The following AMOTL1 variants were observed in gnomAD, a reference collection of about 807,000 sequenced individuals.
AMOTL1 encodes angiomotin like 1, also known as angiomotin-like protein 1.
A neutral mutation model predicts 102.9 loss-of-function variants in AMOTL1; 45 were observed. The ratio of observed to expected loss-of-function variants is 0.44; its 90% CI spans 0.34 to 0.56. AMOTL1 has a LOEUF of 0.56. Ranked by LOEUF, AMOTL1 falls within the 20% of genes least tolerant of loss-of-function variation. The pLI is 0.01. For synonymous variants in AMOTL1, 481 were observed against 484.7 expected, an observed-to-expected ratio of 0.99 and a Z score of 0.10; for missense variants, 1,114 against 1,225.6, an observed-to-expected ratio of 0.91 and a Z score of 1.36.
intron 9 of AMOTL1, among the ~76,000 whole-genome samples, chr11:94,861,621 C>T (rs1053169970): frequency 3.9e-5 from 6 of 152,172 alleles, no homozygotes; most frequent in South Asian, 2.1e-4. Flanking sequence ...TTCTGAGTGT[C>T]GCTTACATCA....
At chr11:94,806,685 C>G (rs1266039364) in intron 3 of AMOTL1, among the ~76,000 whole-genome samples, 2 of 152,134 alleles carry the variant, frequency 1.3e-5, no homozygotes, top group African/African-American at 4.8e-5. Flanking sequence ...ATGGGTATTT[C>G]AAGAAGCTAG....
intron 1 of AMOTL1, among the ~76,000 whole-genome samples, chr11:94,711,948 G>A (rs1950028486): frequency 1.3e-5 from 2 of 151,976 alleles, no homozygotes; most frequent in African/African-American, 4.8e-5. Flanking sequence ...TCATTTATTT[G>A]GGATAAATGC....
intron 3 of AMOTL1, among the ~76,000 whole-genome samples, chr11:94,815,474 A>G (rs1470386189): frequency 6.6e-6 from 1 of 152,132 alleles, no homozygotes; most frequent in African/African-American, 2.4e-5. Context: ...TGAAAAAACA[A>G]TTAGTTAGAT....
chr11:94,808,458 C>G (rs963450469), intron 3 of AMOTL1, among the ~76,000 whole-genome samples: 2 of 152,026 alleles, frequency 1.3e-5, no homozygotes, highest in African/African-American at 4.8e-5. Flanking sequence ...CTTTTCCTGT[C>G]ATGTTTTGCA....
chr11:94,720,478 T>C (rs544309096), intron 1 of AMOTL1, among the ~76,000 whole-genome samples: 1 of 152,276 alleles, frequency 6.6e-6, no homozygotes, highest in East Asian at 1.9e-4. Context: ...AGAATCACTT[T>C]GTTAAAATGA....
intron 3 of AMOTL1, among the ~76,000 whole-genome samples, chr11:94,803,127 C>T (rs1039350442): frequency 6.6e-6 from 1 of 152,172 alleles, no homozygotes; most frequent in Non-Finnish European, 1.5e-5. Context: ...TTTGGTCCAA[C>T]CCATTACATT....
chr11:94,857,488 A>G (rs1459990947), intron 8 of AMOTL1, among the ~76,000 whole-genome samples: 1 of 152,208 alleles, frequency 6.6e-6, no homozygotes, highest in Non-Finnish European at 1.5e-5. Flanking sequence ...CCTGTTTTAT[A>G]AGTAATTGCC....
rs1951431859 is a variant in AMOTL1, at chr11:94,799,607, T to C, written c.417T>C (p.Ser139=). The C allele has an allele frequency of 1.2e-6, 2 of 1,613,680 alleles. No homozygotes were observed. The highest frequency in any genetic ancestry group is 3.3e-5 in the Admixed American group (2 of 59,976). ...AGPAHPTNNF[S]STENLTQEDP... is the part of the protein sequence containing the mutation. ...CAGCCCATCCTACAAACAACTTTTC[T>C]TCCACGGAAAACCTCACTCAAGAAG... The change falls in exon 3 of 13, where the codon TCT becomes TCC. Residue 139 remains serine, a synonymous_variant. Coordinates refer to ENST00000433060, the MANE Select transcript of AMOTL1 (RefSeq NM_130847.3). The surrounding 1 kb of genome is among the most constrained non-coding windows in gnomAD (Gnocchi z 4.5).
At chr11:94,764,071 G>T (rs1223011711), upstream of AMOTL1, among the ~76,000 whole-genome samples, 1 of 152,176 alleles carries the variant, frequency 6.6e-6, no homozygotes, top group African/African-American at 2.4e-5. Flanking sequence ...CCATGCCTTT[G>T]CTCGAAATAT....
intron 1 of AMOTL1, among the ~76,000 whole-genome samples, chr11:94,786,182 A>T (rs1454452507): frequency 2.0e-5 from 3 of 152,208 alleles, no homozygotes; most frequent in Non-Finnish European, 4.4e-5. Context: ...TATCAACATA[A>T]AATATATATT....
intron 1 of AMOTL1, among the ~76,000 whole-genome samples, chr11:94,772,426 A>G (rs537721794): frequency 3.3e-5 from 5 of 152,098 alleles, no homozygotes; most frequent in African/African-American, 1.2e-4. Context: ...TGTTCACCAT[A>G]TCTATAATTT....
At chr11:94,792,306 A>G (rs1221315467) in intron 1 of AMOTL1, among the ~76,000 whole-genome samples, 1 of 152,140 alleles carries the variant, frequency 6.6e-6, no homozygotes, top group Non-Finnish European at 1.5e-5. Context: ...AACATCACAC[A>G]CCGGGGCCTG....
Position 94,809,765 on chromosome 11 carries a change from C to T in AMOTL1, c.1121+9454C>T, listed in dbSNP as rs141659990. Among the ~76,000 whole-genome samples, 391 of 152,332 alleles carry T rather than the reference C, an allele frequency of 2.6e-3. 2 individuals are homozygous for T. Among genetic ancestry groups the T allele is most frequent in the African/African-American group, 9.2e-3 (383 of 41,576 alleles). ...ACAATTCTGAAGCCATTTCTAATTACATTTCACGAATACTTTTAAAACTAG... is the reference window on the plus strand; with the variant it reads ...ACAATTCTGAAGCCATTTCTAATTATATTTCACGAATACTTTTAAAACTAG... On this transcript the variant is annotated intron_variant, in intron 3 of 12. Transcript: ENST00000433060.
chr11:94,782,914 C>T (rs577115955), intron 1 of AMOTL1, among the ~76,000 whole-genome samples: 21 of 151,900 alleles, frequency 1.4e-4, no homozygotes, highest in Middle Eastern at 3.2e-3. Flanking sequence ...ACTTTTTTTT[C>T]ATAAAAATAT....
At chr11:94,844,505 G>A (rs961628199) in intron 6 of AMOTL1, among the ~76,000 whole-genome samples, 1 of 152,198 alleles carries the variant, frequency 6.6e-6, no homozygotes, top group Admixed American at 6.5e-5. Context: ...AGTTTATTTG[G>A]TTCATAGTTC....
At chr11:94,783,915 G>A (rs1226450714) in intron 1 of AMOTL1, among the ~76,000 whole-genome samples, 1 of 151,684 alleles carries the variant, frequency 6.6e-6, no homozygotes, top group African/African-American at 2.4e-5. Flanking sequence ...ACTATCACAT[G>A]TATCTGTTTT....
Position 94,821,689 on chromosome 11 carries a change from C to G in AMOTL1, c.1281C>G (p.Ser427Arg), listed in dbSNP as rs1483387912. Residue 427 changes from serine to arginine, a missense_variant, in exon 4 of 13, where the codon AGC becomes AGG. Ser to Arg is a moderately radical substitution (Grantham distance 110). Transcript: ENST00000433060. Reference sequence around the variant, plus strand: ...AGCCCCCGCCTGCCGCCTCCCCCAGCCAGCAGCTTGGTCCAGATGCCTTTG... The same window carrying G: ...AGCCCCCGCCTGCCGCCTCCCCCAGGCAGCAGCTTGGTCCAGATGCCTTTG... ...APQPPPAASPSQQLGPDAFAI... is the reference protein window; with the variant it reads ...APQPPPAASPRQQLGPDAFAI... The G allele has an allele frequency of 6.2e-7, 1 of 1,614,046 alleles. No homozygotes were observed. The highest frequency in any genetic ancestry group is 1.1e-5 in the South Asian group (1 of 91,090).
Position 94,768,451 on chromosome 11 carries a change from C to A in AMOTL1, c.-61C>A, listed in dbSNP as rs1030919038. 1 of 1,552,616 alleles carries A rather than the reference C, an allele frequency of 6.4e-7. No homozygotes were observed. Among genetic ancestry groups the A allele is most frequent in the East Asian group, 2.4e-5 (1 of 41,066 alleles). On this transcript the variant is annotated 5_prime_UTR_variant, in exon 1 of 13. Coordinates refer to ENST00000433060, the MANE Select transcript of AMOTL1 (RefSeq NM_130847.3). ...TGGGGTTGATTGTCCGGCGCCACTT[C>A]CCCGCGCTGCCCGGCAGCCGTCTTC...
chr11:94,769,483 G>A (rs1005407678), intron 1 of AMOTL1, among the ~76,000 whole-genome samples: 5 of 152,196 alleles, frequency 3.3e-5, no homozygotes, highest in African/African-American at 9.6e-5. Context: ...CCCCCTCAGA[G>A]CCCCAGGCCG....
Sources: allele counts gnomAD v4.1 joint callset (sites outside exome capture counted in the v4.1 genomes callset), GRCh38; gene constraint gnomAD v4.1.1; non-coding constraint Gnocchi (gnomAD v3.1); transcripts MANE v1.5; gene names NCBI Gene and HGNC (gene_info 2026-07-23, HGNC 2026-07-21).